The following MDFIC2 variants were observed in gnomAD, a reference collection of about 807,000 sequenced individuals.
MDFIC2 encodes myoD family inhibitor domain-containing protein 2.
intron 2 of MDFIC2, among the ~76,000 whole-genome samples, chr3:70,276,694 G>A (rs1158312735): frequency 6.6e-6 from 1 of 152,142 alleles, no homozygotes; most frequent in East Asian, 1.9e-4. Flanking sequence ...TTTTTTGTAA[G>A]TCAAGTTTTG....
chr3:70,196,992 T>C lies in MDFIC2; in HGVS notation c.504A>G (p.Glu168=). ...CNCDMDCSLF[E]SCHETSECLE... Reference sequence around the variant, plus strand: ...GACACTCGCTGGTCTCATGGCAAGATTCAAAAAGGCTGCAGTCCATGTCAC... The same window carrying C: ...GACACTCGCTGGTCTCATGGCAAGACTCAAAAAGGCTGCAGTCCATGTCAC... Residue 168 remains glutamate, a synonymous_variant, in exon 4 of 4, where the codon GAA becomes GAG. Transcript: ENST00000567252. 5.0e-6 allele frequency: 2 copies of C among 398,546 alleles called. No individual in the cohort carries two copies. Among genetic ancestry groups the C allele is most frequent in the East Asian group, 3.6e-5 (1 of 28,066 alleles). The allele number at this position is 398,546 out of a possible 1,614,324, so 24.7% of individuals were successfully genotyped here. A position where few individuals can be genotyped will look rare whatever the true frequency, so the allele number is the denominator to read the frequency against.
intron 2 of MDFIC2, among the ~76,000 whole-genome samples, chr3:70,224,371 G>A (rs1171829556): frequency 6.6e-6 from 1 of 152,176 alleles, no homozygotes; most frequent in Non-Finnish European, 1.5e-5. Flanking sequence ...CCATGGCTGA[G>A]CTGCTTTATT....
intron 2 of MDFIC2, among the ~76,000 whole-genome samples, chr3:70,290,299 G>C (rs1286673077): frequency 6.6e-6 from 1 of 152,052 alleles, no homozygotes; most frequent in African/African-American, 2.4e-5. Flanking sequence ...TGAGCTGCAG[G>C]TCTGTTGGAG....
At chr3:70,281,309 A>C (rs915170315) in intron 2 of MDFIC2, among the ~76,000 whole-genome samples, 45 of 152,166 alleles carry the variant, frequency 3.0e-4, no homozygotes, top group African/African-American at 1.1e-3. Context: ...ACAGGAAGGC[A>C]TTCAGGAACC....
intron 2 of MDFIC2, among the ~76,000 whole-genome samples, chr3:70,254,795 G>A (rs970965836): frequency 1.3e-5 from 2 of 152,096 alleles, no homozygotes; most frequent in African/African-American, 4.8e-5. Flanking sequence ...GTAGCTTCTT[G>A]TGCATTCTTC....
At chr3:70,261,273 AAG>A (rs1701863771) in intron 2 of MDFIC2, among the ~76,000 whole-genome samples, 1 of 152,318 alleles carries the variant, frequency 6.6e-6, no homozygotes, top group South Asian at 2.1e-4. Context: ...TATCTCTTTT[AAG>A]AGAGTTAGTG....
chr3:70,246,451 A>G (rs756470070), intron 2 of MDFIC2, among the ~76,000 whole-genome samples: 4 of 152,070 alleles, frequency 2.6e-5, no homozygotes, highest in Non-Finnish European at 4.4e-5. Context: ...CATAGAGTGA[A>G]CTCAAAGTGG....
At chr3:70,289,156 G>C (rs1226441794) in intron 2 of MDFIC2, among the ~76,000 whole-genome samples, 1 of 150,618 alleles carries the variant, frequency 6.6e-6, no homozygotes, top group Non-Finnish European at 1.5e-5. Flanking sequence ...TCCTAGTCTC[G>C]ATGGTCTTTA....
chr3:70,231,340 C>T (rs953015396), intron 2 of MDFIC2, among the ~76,000 whole-genome samples: 7 of 152,200 alleles, frequency 4.6e-5, no homozygotes, highest in Non-Finnish European at 8.8e-5. Context: ...GACAAGCAGC[C>T]CGCCATCTCT....
At chr3:70,294,930 A>G (rs1702275314) in intron 2 of MDFIC2, among the ~76,000 whole-genome samples, 1 of 152,186 alleles carries the variant, frequency 6.6e-6, no homozygotes, top group Admixed American at 6.5e-5. Context: ...AAAGCAAAGT[A>G]AAACAACCAA....
chr3:70,266,448 C>T (rs1276408868), intron 2 of MDFIC2, among the ~76,000 whole-genome samples: 1 of 151,742 alleles, frequency 6.6e-6, no homozygotes, highest in East Asian at 1.9e-4. Flanking sequence ...GAGACAGGGT[C>T]TCATTTCTGT....
intron 2 of MDFIC2, among the ~76,000 whole-genome samples, chr3:70,207,785 A>G (rs1374424904): frequency 6.6e-6 from 1 of 152,074 alleles, no homozygotes; most frequent in Admixed American, 6.6e-5. Flanking sequence ...GTTATATGCA[A>G]ATACCACATC....
chr3:70,211,081 T>G (rs1701340367), intron 2 of MDFIC2, among the ~76,000 whole-genome samples: 1 of 152,168 alleles, frequency 6.6e-6, no homozygotes, highest in Non-Finnish European at 1.5e-5. Context: ...TTCTCTCATT[T>G]GACTCTTCAT....
At chr3:70,205,171 A>G (rs762865670) in intron 3 of MDFIC2, 5 of 152,100 alleles carry the variant, frequency 3.3e-5, no homozygotes, top group Non-Finnish European at 7.4e-5. Flanking sequence ...ATTTTACATA[A>G]CACTCCTGGT....
intron 2 of MDFIC2, among the ~76,000 whole-genome samples, chr3:70,242,124 A>T (rs548215283): frequency 1.3e-3 from 203 of 152,306 alleles, no homozygotes; most frequent in Non-Finnish European, 2.3e-3. Flanking sequence ...TATAATAGGG[A>T]TGAAAAGGAG....
intron 2 of MDFIC2, among the ~76,000 whole-genome samples, chr3:70,227,604 G>A (rs1701520254): frequency 6.6e-6 from 1 of 152,118 alleles, no homozygotes; most frequent in Non-Finnish European, 1.5e-5. Context: ...TCTTTCAAAA[G>A]GTATTAGGTT....
intron 2 of MDFIC2, among the ~76,000 whole-genome samples, chr3:70,286,097 C>A (rs918490656): frequency 5.9e-5 from 9 of 152,134 alleles, no homozygotes; most frequent in African/African-American, 2.2e-4. Context: ...GTTTTGCTGC[C>A]ATTGCTTTTG....
At chr3:70,290,601 C>T (rs938022158) in intron 2 of MDFIC2, among the ~76,000 whole-genome samples, 1 of 152,230 alleles carries the variant, frequency 6.6e-6, no homozygotes, top group Non-Finnish European at 1.5e-5. Flanking sequence ...GTTCGAGTTT[C>T]CGGGCTGTTT....
chr3:70,239,403 T>C (rs1701643317), intron 2 of MDFIC2, among the ~76,000 whole-genome samples: 2 of 152,184 alleles, frequency 1.3e-5, no homozygotes, highest in Admixed American at 6.6e-5. Flanking sequence ...TTCAGGATGT[T>C]ATGCAATTAG....
Sources: allele counts gnomAD v4.1 joint callset (sites outside exome capture counted in the v4.1 genomes callset), GRCh38; gene constraint gnomAD v4.1.1; transcripts MANE v1.5; gene names NCBI Gene and HGNC (gene_info 2026-07-23, HGNC 2026-07-21).